Variants in SGCZ observed in about 807,000 individuals in gnomAD.
SGCZ encodes the protein sarcoglycan zeta.
Under a neutral mutation model 41.3 loss-of-function variants are expected in SGCZ, and 40 were observed. The ratio of observed to expected loss-of-function variants is 0.97; its 90% CI spans 0.75 to 1.26. The LOEUF is 1.26. Among genes scored for constraint, SGCZ ranks in the 50% most tolerant of loss-of-function variants. The pLI is 0.00. For synonymous variants in SGCZ, 206 were observed against 137.5 expected (o/e 1.50, Z -3.49); for missense variants, 552 against 369.8 (o/e 1.49, Z -4.04).
chr8:15,174,881 C>T (rs889401498), intron 1 of SGCZ, among the ~76,000 whole-genome samples: 35 of 152,226 alleles, frequency 2.3e-4, no homozygotes, highest in Non-Finnish European at 4.1e-4. Flanking sequence ...CAAAGTAATG[C>T]TTACACACTG....
intron 1 of SGCZ, among the ~76,000 whole-genome samples, chr8:14,643,546 A>G (rs1342038768): frequency 6.6e-6 from 1 of 151,618 alleles, no homozygotes; most frequent in African/African-American, 2.4e-5. Context: ...ATTTTTCAAA[A>G]AAAAAAAGAG....
At chr8:14,914,840 C>G (rs1799380041) in intron 1 of SGCZ, among the ~76,000 whole-genome samples, 1 of 152,146 alleles carries the variant, frequency 6.6e-6, no homozygotes, top group South Asian at 2.1e-4. Flanking sequence ...GTTATGCAGG[C>G]ACTTCAGAAG....
At chr8:14,839,725 C>A (rs530015263) in intron 1 of SGCZ, among the ~76,000 whole-genome samples, 2 of 152,104 alleles carry the variant, frequency 1.3e-5, no homozygotes, top group South Asian at 2.1e-4. Context: ...TGAAAGTTAT[C>A]TTTTGGCTTA....
At chr8:14,860,551 A>G (rs1264769343) in intron 1 of SGCZ, among the ~76,000 whole-genome samples, 1 of 151,278 alleles carries the variant, frequency 6.6e-6, no homozygotes, top group African/African-American at 2.4e-5. Context: ...AGAAAGAAAG[A>G]GAAAGGAAAG....
At chr8:14,808,556 C>T (rs558029579) in intron 1 of SGCZ, among the ~76,000 whole-genome samples, 44 of 152,126 alleles carry the variant, frequency 2.9e-4, no homozygotes, top group African/African-American at 8.7e-4. Flanking sequence ...GTTAGAATGG[C>T]GATCATTAAA....
intron 1 of SGCZ, among the ~76,000 whole-genome samples, chr8:14,582,710 C>T (rs1024833716): frequency 1.4e-5 from 2 of 140,394 alleles, no homozygotes; most frequent in South Asian, 2.3e-4. Flanking sequence ...TTCCTGTGTC[C>T]GTGTGTTCTC....
chr8:14,419,994 T>A (rs999132312), intron 2 of SGCZ, among the ~76,000 whole-genome samples: 13 of 152,198 alleles, frequency 8.5e-5, no homozygotes, highest in Middle Eastern at 3.4e-3. Context: ...CCAAATGTGA[T>A]TTGTTGAAAG....
intron 7 of SGCZ, among the ~76,000 whole-genome samples, chr8:14,102,078 ATAT>A (rs1802040976): frequency 3.0e-5 from 1 of 33,700 alleles, no homozygotes; most frequent in Admixed American, 3.5e-4. Flanking sequence ...GGCTAACTTT[ATAT>A]ATATATATAT....
intron 3 of SGCZ, among the ~76,000 whole-genome samples, chr8:14,244,387 C>T (rs1799007174): frequency 6.6e-6 from 1 of 152,108 alleles, no homozygotes; most frequent in South Asian, 2.1e-4. Flanking sequence ...CCCAAGGCAG[C>T]TACGTCATTC....
intron 2 of SGCZ, among the ~76,000 whole-genome samples, chr8:14,443,942 A>G (rs1163572757): frequency 5.3e-5 from 8 of 152,216 alleles, no homozygotes; most frequent in Non-Finnish European, 1.0e-4. Flanking sequence ...CAGAATCTAC[A>G]ATGAACTCAA....
At chr8:14,138,527 G>A (rs77934813) in intron 5 of SGCZ, among the ~76,000 whole-genome samples, 1,849 of 27,864 alleles carry the variant, frequency 0.066, 30 homozygotes, top group African/African-American at 0.3. Context: ...AAAAAAAAAG[G>A]GGGGGTTGCA....
At chr8:14,209,820 CATAAAAAT>C (rs1805741316) in intron 4 of SGCZ, among the ~76,000 whole-genome samples, 1 of 150,328 alleles carries the variant, frequency 6.7e-6, no homozygotes, top group African/African-American at 2.5e-5. Flanking sequence ...TCCATATTTT[CATAAAAAT>C]ATAACCTGTA....
intron 1 of SGCZ, among the ~76,000 whole-genome samples, chr8:14,759,206 C>T (rs1185348320): frequency 6.6e-6 from 1 of 151,998 alleles, no homozygotes; most frequent in African/African-American, 2.4e-5. Flanking sequence ...ATATTACTCT[C>T]CCTATGTAAA....
At chr8:14,473,424 T>G (rs1361501008) in intron 2 of SGCZ, among the ~76,000 whole-genome samples, 1 of 152,080 alleles carries the variant, frequency 6.6e-6, no homozygotes, top group East Asian at 1.9e-4. Context: ...TATCATGAAT[T>G]TTTCACCATC....
chr8:14,306,705 A>G lies in SGCZ; in HGVS notation c.336+17398T>C, dbSNP rs535343568. Among the ~76,000 whole-genome samples the G allele has an allele frequency of 5.9e-5, 9 of 152,266 alleles. No homozygotes were observed. The East Asian group carries it at 1.7e-3, about 29-fold the overall frequency. On this transcript the variant is annotated intron_variant, in intron 3 of 7. Coordinates refer to ENST00000382080, the MANE Select transcript of SGCZ (RefSeq NM_139167.4). ...GAATTAAGAAGAAAAAATAAGTGTC[A>G]TTGTAAATTTGCATGCATTTGCATT... is the stretch of plus-strand genomic sequence containing the variant.
At chr8:14,440,717 GT>G (rs1800228763) in intron 2 of SGCZ, among the ~76,000 whole-genome samples, 1 of 52,514 alleles carries the variant, frequency 1.9e-5, no homozygotes, top group Non-Finnish European at 4.5e-5. Context: ...ATATACATAC[GT>G]ATACACGTAT....
intron 2 of SGCZ, among the ~76,000 whole-genome samples, chr8:14,543,674 G>T (rs1047660861): frequency 2.0e-5 from 3 of 152,074 alleles, no homozygotes; most frequent in Non-Finnish European, 4.4e-5. Flanking sequence ...GGCCATCTTA[G>T]TTAAGAACTT....
intron 1 of SGCZ, among the ~76,000 whole-genome samples, chr8:15,105,045 T>C (rs991579348): frequency 2.6e-5 from 4 of 152,146 alleles, no homozygotes; most frequent in African/African-American, 9.7e-5. Context: ...GTTAAATGAA[T>C]GTTGTCATTT....
intron 2 of SGCZ, among the ~76,000 whole-genome samples, chr8:14,343,233 G>T (rs1052479333): frequency 7.9e-5 from 12 of 152,220 alleles, no homozygotes; most frequent in Non-Finnish European, 1.8e-4. Flanking sequence ...GTCCAGAAGG[G>T]AAATGTGGGG....
Sources: gnomAD v4.1 joint callset for allele counts (sites outside exome capture counted in the v4.1 genomes callset) on GRCh38, gnomAD v4.1.1 for gene constraint, MANE v1.5 for transcripts, NCBI Gene and HGNC (gene_info 2026-07-23, HGNC 2026-07-21) for gene names.